The following TMEM40 variants were observed in gnomAD, a reference collection of about 807,000 sequenced individuals.
TMEM40 encodes transmembrane protein 40.
TMEM40 carries 34 observed loss-of-function variants against 40.8 expected under a neutral mutation model. That is an observed-to-expected ratio of 0.83 (90% CI 0.63 to 1.11). TMEM40 has a LOEUF of 1.11. TMEM40 is among the 50% of genes least tolerant of loss of function. The pLI is 0.00. For synonymous variants in TMEM40, 106 were observed against 107.0 expected (o/e 0.99, Z 0.06); for missense variants, 296 against 280.2 (o/e 1.06, Z -0.40).
rs1333284787 is a variant in TMEM40 at position 12,737,919 on chromosome 3, G to A, written c.425-165C>T. 5.5e-6 allele frequency: 5 copies of A among 915,804 alleles called. No individual in the cohort carries two copies. In the African/African-American group the frequency reaches 6.6e-5, roughly 12 times the overall value. The allele number at this position is 915,804 out of a possible 1,614,324, so 56.7% of individuals were successfully genotyped here. On this transcript the variant is annotated intron_variant, in intron 7 of 11. Transcript: ENST00000314124. ...CTGTGAAGATGGGGGTACTGTCCTT[G>A]GAACCCCCACTGACTTCCTCCTCCT...
chr3:12,761,640 G>A (rs540564466), upstream of TMEM40, among the ~76,000 whole-genome samples: 15 of 152,020 alleles, frequency 9.9e-5, no homozygotes, highest in African/African-American at 3.4e-4. Flanking sequence ...AAAAGATAAG[G>A]ATTTGGCTGC....
chr3:12,769,341 T>C (rs991208769), exon 1 of TMEM40: 12 of 286,288 alleles, frequency 4.2e-5, no homozygotes, highest in African/African-American at 2.5e-4. Context: ...GCTCCTCAAG[T>C]GCGGCCAGAG....
intron 1 of TMEM40, among the ~76,000 whole-genome samples, chr3:12,768,933 G>C (rs1575750688): frequency 3.5e-5 from 1 of 28,968 alleles, no homozygotes; most frequent in Non-Finnish European, 8.9e-5. Context: ...CCGGGGCGGG[G>C]CGGGGGGGGC....
chr3:12,762,769 C>T (rs1009440930), upstream of TMEM40, among the ~76,000 whole-genome samples: 14 of 152,204 alleles, frequency 9.2e-5, no homozygotes, highest in African/African-American at 2.7e-4. Context: ...TGCAAATTCT[C>T]AGACCCCATC....
At chr3:12,745,772 G>A (rs933322508) in intron 3 of TMEM40, among the ~76,000 whole-genome samples, 1 of 151,334 alleles carries the variant, frequency 6.6e-6, no homozygotes, top group Non-Finnish European at 1.5e-5. Context: ...TAAATAAAAG[G>A]TATTATGGAA....
chr3:12,767,015 G>A (rs769863916), intron 1 of TMEM40, among the ~76,000 whole-genome samples: 2 of 152,048 alleles, frequency 1.3e-5, no homozygotes, highest in Non-Finnish European at 2.9e-5. Context: ...AGATGTCTGC[G>A]CCTGGGGAAG....
At chr3:12,758,615 C>T (rs1181124642) in intron 1 of TMEM40, among the ~76,000 whole-genome samples, 1 of 152,180 alleles carries the variant, frequency 6.6e-6, no homozygotes, top group Non-Finnish European at 1.5e-5. Context: ...GCATATCCTC[C>T]CCGGGGGTGC....
At chr3:12,765,950 G>A (rs1191008275) in intron 1 of TMEM40, among the ~76,000 whole-genome samples, 3 of 151,992 alleles carry the variant, frequency 2.0e-5, no homozygotes, top group Non-Finnish European at 4.4e-5. Flanking sequence ...TCCACCTCCC[G>A]CGTTCAAGCG....
At chr3:12,755,233 C>CTCTCTCTCTGTCTTTCTTTCTT (rs1553634013) in intron 1 of TMEM40, among the ~76,000 whole-genome samples, 1 of 59,886 alleles carries the variant, frequency 1.7e-5, no homozygotes, top group African/African-American at 7.2e-5. Flanking sequence ...CTCTCTCTCT[C>CTCTCTCTCTGTCTTTCTTTCTT]TCTTTCTTTC....
At chr3:12,734,828 C>G (rs1195646392) in intron 11 of TMEM40, 35 bp from the exon 12 acceptor site, 4 of 1,589,442 alleles carry the variant, frequency 2.5e-6, no homozygotes, top group Non-Finnish European at 3.4e-6. Context: ...GCATGGGATT[C>G]TGAAGGCAGC....
At chr3:12,737,801 G>A (rs766317504) in intron 7 of TMEM40, 47 bp from the exon 8 acceptor site, 1 of 1,581,982 alleles carries the variant, frequency 6.3e-7, no homozygotes, top group Non-Finnish European at 8.7e-7. Context: ...TGCAGGACGG[G>A]AGGTGGGATT....
At chr3:12,740,753 G>T (rs1243964544) in intron 5 of TMEM40, among the ~76,000 whole-genome samples, 2 of 152,028 alleles carry the variant, frequency 1.3e-5, no homozygotes, top group Admixed American at 6.6e-5. Context: ...AGCTTCTCAG[G>T]AGGCTAAGGT....
intron 4 of TMEM40, among the ~76,000 whole-genome samples, chr3:12,743,094 C>T (rs1227944404): frequency 6.6e-6 from 1 of 152,114 alleles, no homozygotes; most frequent in Non-Finnish European, 1.5e-5. Flanking sequence ...CAATAATTCA[C>T]CCCTTTTCCC....
chr3:12,755,384 T>C (rs2061519927), intron 1 of TMEM40, among the ~76,000 whole-genome samples: 1 of 151,732 alleles, frequency 6.6e-6, no homozygotes, highest in South Asian at 2.1e-4. Flanking sequence ...TGAGCAATTC[T>C]CCTGCCTCAG....
chr3:12,754,525 C>A (rs1374677168), intron 1 of TMEM40, among the ~76,000 whole-genome samples: 1 of 152,164 alleles, frequency 6.6e-6, no homozygotes, highest in East Asian at 1.9e-4. Context: ...GCAATATAAG[C>A]CAACAAGGTG....
At position 12,737,765 on chromosome 3, in the gene TMEM40, A is replaced by G; in HGVS notation, c.425-11T>C. ...AGGCCTCCACTTCTCCTTAAGAACAAGAGAGAGATGAATATTTAACTTTGA... is the reference window on the plus strand; with the variant it reads ...AGGCCTCCACTTCTCCTTAAGAACAGGAGAGAGATGAATATTTAACTTTGA... On this transcript the variant is annotated splice_polypyrimidine_tract_variant and intron_variant, in intron 7 of 11. Coordinates refer to ENST00000314124, the MANE Select transcript of TMEM40 (RefSeq NM_018306.4). 2 of 1,613,042 alleles carry G rather than the reference A, an allele frequency of 1.2e-6. No individual in the cohort carries two copies. Among genetic ancestry groups the G allele is most frequent in the Non-Finnish European group, 1.7e-6 (2 of 1,179,124 alleles).
At chr3:12,755,233 C>CTCTT (rs749104547) in intron 1 of TMEM40, among the ~76,000 whole-genome samples, 6,467 of 59,826 alleles carry the variant, frequency 0.11, 539 homozygotes, top group Admixed American at 0.17. Flanking sequence ...CTCTCTCTCT[C>CTCTT]TCTTTCTTTC....
At chr3:12,751,466 G>C (rs1277828474) in intron 1 of TMEM40, among the ~76,000 whole-genome samples, 1 of 151,598 alleles carries the variant, frequency 6.6e-6, no homozygotes, top group Non-Finnish European at 1.5e-5. Flanking sequence ...TTTTAGTAGA[G>C]ACGTGGTTTC....
chr3:12,735,988 AG>A (rs2061334683), intron 10 of TMEM40, among the ~76,000 whole-genome samples: 2 of 151,824 alleles, frequency 1.3e-5, no homozygotes, highest in African/African-American at 4.8e-5. Context: ...CAATCTCCTG[AG>A]TAACTGGAAT....
Sources: gnomAD v4.1 joint callset for allele counts (sites outside exome capture counted in the v4.1 genomes callset) on GRCh38, gnomAD v4.1.1 for gene constraint, MANE v1.5 for transcripts, NCBI Gene and HGNC (gene_info 2026-07-23, HGNC 2026-07-21) for gene names.